The following AP3B1 variants were observed in gnomAD, a reference collection of about 807,000 sequenced individuals.
AP3B1 encodes AP-3 complex subunit beta-1.
Under a neutral mutation model 132.5 loss-of-function variants are expected in AP3B1, and 61 were observed. The observed-to-expected ratio is 0.46, with a 90% CI of 0.37 to 0.57. The LOEUF (loss-of-function observed/expected upper bound fraction) is 0.57. AP3B1 is among the 20% of genes least tolerant of loss of function. The pLI, the probability that AP3B1 is intolerant of heterozygous loss-of-function variation, is 0.00. For missense variants in AP3B1, 1,120 were observed against 1,289.4 expected (o/e 0.87, Z 2.01); for synonymous variants, 388 against 438.3 (o/e 0.89, Z 1.43).
chr5:78,050,829 G>T (rs1158420078), intron 22 of AP3B1, among the ~76,000 whole-genome samples: 1 of 152,088 alleles, frequency 6.6e-6, no homozygotes, highest in Admixed American at 6.5e-5. Context: ...ATAAGCAAAT[G>T]ATATAGGTCA....
chr5:78,027,804 T>C (rs1463381335), intron 24 of AP3B1, among the ~76,000 whole-genome samples: 1 of 152,234 alleles, frequency 6.6e-6, no homozygotes, highest in Non-Finnish European at 1.5e-5. Context: ...ATAGATTTTC[T>C]GTTGATTCCA....
intron 6 of AP3B1, among the ~76,000 whole-genome samples, chr5:78,223,072 A>AT (rs1198797097): frequency 7.2e-6 from 1 of 138,354 alleles, no homozygotes; most frequent in African/African-American, 2.7e-5. Flanking sequence ...GTTGCCCAGG[A>AT]TGGTCTCGAA....
At chr5:78,033,348 T>A (rs1216109461) in intron 24 of AP3B1, among the ~76,000 whole-genome samples, 1 of 152,076 alleles carries the variant, frequency 6.6e-6, no homozygotes, top group East Asian at 1.9e-4. Context: ...AAGGTGATGA[T>A]CTGCATAAAA....
At chr5:78,167,755 G>C (rs1743705420) in intron 11 of AP3B1, among the ~76,000 whole-genome samples, 1 of 151,992 alleles carries the variant, frequency 6.6e-6, no homozygotes, top group Non-Finnish European at 1.5e-5. Context: ...TCTAAGTGAA[G>C]TAACTCAGGA....
intron 2 of AP3B1, among the ~76,000 whole-genome samples, chr5:78,250,491 G>T (rs1747584664): frequency 6.6e-6 from 1 of 152,028 alleles, no homozygotes; most frequent in African/African-American, 2.4e-5. Flanking sequence ...AACCCACAAT[G>T]GAGCCTGAAA....
chr5:78,025,971 T>C (rs1486901883), intron 24 of AP3B1, among the ~76,000 whole-genome samples: 1 of 152,226 alleles, frequency 6.6e-6, no homozygotes, highest in Non-Finnish European at 1.5e-5. Flanking sequence ...AAATTTACTT[T>C]CATTTACATG....
chr5:78,177,289 T>C, intron 9 of AP3B1, 50 bp downstream of exon 9: 1 of 1,218,740 alleles, frequency 8.2e-7, no homozygotes. Flanking sequence ...GTTCAAACAT[T>C]ACTTTTGAAG....
At chr5:78,174,014 CCA>C (rs774006539) in intron 11 of AP3B1, among the ~76,000 whole-genome samples, 10 of 152,170 alleles carry the variant, frequency 6.6e-5, no homozygotes, top group Admixed American at 2.6e-4. Context: ...AGCTCTCGTG[CCA>C]CAGTTTTCAG....
In AP3B1 at chr5:78,220,029, C is replaced by T. The variant is rs149961908; in HGVS notation, c.604-3792G>A. ...TTAAATGAAAGTGATTTTTGATCCT[C>T]TATTGATTTTAAATGCCAATGCTGA... On this transcript the variant is annotated intron_variant, in intron 6 of 26. Coordinates refer to ENST00000255194, the MANE Select transcript of AP3B1 (RefSeq NM_003664.5). Among the ~76,000 whole-genome samples the T allele has an allele frequency of 3.8e-4, 58 of 151,988 alleles. No individual in the cohort carries two copies. The East Asian group carries it at 0.011, about 28-fold the overall frequency.
intron 22 of AP3B1, among the ~76,000 whole-genome samples, chr5:78,061,941 C>T (rs1749079185): frequency 6.6e-6 from 1 of 152,202 alleles, no homozygotes; most frequent in Admixed American, 6.5e-5. Flanking sequence ...ATGAAACCAG[C>T]AGTCACCTTC....
At chr5:78,064,486 T>C (rs1561383071) in intron 22 of AP3B1, among the ~76,000 whole-genome samples, 1 of 152,230 alleles carries the variant, frequency 6.6e-6, no homozygotes, top group Non-Finnish European at 1.5e-5. Context: ...CTTGTCTGGC[T>C]GGGGCTGCCC....
chr5:78,258,727 G>C (rs775670253), intron 2 of AP3B1, among the ~76,000 whole-genome samples: 1 of 152,208 alleles, frequency 6.6e-6, no homozygotes, highest in Non-Finnish European at 1.5e-5. Flanking sequence ...GGAGTGCAAA[G>C]AGACATCCGC....
chr5:78,006,802 G>A (rs1251066767), intron 26 of AP3B1, among the ~76,000 whole-genome samples: 1 of 152,092 alleles, frequency 6.6e-6, no homozygotes, highest in East Asian at 1.9e-4. Context: ...AACTGAGAAG[G>A]TAAAACTGTT....
At chr5:78,225,661 A>T in intron 5 of AP3B1, 53 bp from the exon 6 acceptor site, 1 of 1,146,622 alleles carries the variant, frequency 8.7e-7, no homozygotes, top group Non-Finnish European at 1.3e-6. Flanking sequence ...CTAGCTTTAC[A>T]TGATGCTCAC....
At chr5:78,167,546 T>C (rs1014249452) in intron 11 of AP3B1, among the ~76,000 whole-genome samples, 4 of 152,116 alleles carry the variant, frequency 2.6e-5, no homozygotes, top group East Asian at 1.9e-4. Context: ...CACACGTTTA[T>C]AGCAGCACAA....
intron 24 of AP3B1, among the ~76,000 whole-genome samples, chr5:78,022,037 C>T (rs576894037): frequency 1.0e-3 from 154 of 152,192 alleles, no homozygotes; most frequent in African/African-American, 3.6e-3. Flanking sequence ...TGTGTGGGTA[C>T]AGACAAATGA....
intron 24 of AP3B1, 28 bp downstream of exon 24, chr5:78,034,333 T>TATCCTTTACAGTTTA: frequency 1.9e-6 from 3 of 1,561,584 alleles, no homozygotes; most frequent in Non-Finnish European, 2.6e-6. Context: ...ACAGGTTATA[T>TATCCTTTACAGTTTA]AAAAAATAGA....
At chr5:78,113,517 A>G (rs541056067) in intron 19 of AP3B1, among the ~76,000 whole-genome samples, 1 of 152,342 alleles carries the variant, frequency 6.6e-6, no homozygotes, top group South Asian at 2.1e-4. Context: ...TTCCAAGGTT[A>G]TACCAATTTT....
intron 8 of AP3B1, 27 bp from the exon 9 acceptor site, chr5:78,177,463 G>T (rs1192989110): frequency 1.3e-6 from 2 of 1,514,646 alleles, no homozygotes; most frequent in South Asian, 2.2e-5. Context: ...AAAAATAACA[G>T]AACTATGAAC....
Sources: gnomAD v4.1 joint callset for allele counts (sites outside exome capture counted in the v4.1 genomes callset) on GRCh38, gnomAD v4.1.1 for gene constraint, MANE v1.5 for transcripts, NCBI Gene and HGNC (gene_info 2026-07-23, HGNC 2026-07-21) for gene names.